The following FZR1 variants were observed in gnomAD, a reference collection of about 807,000 sequenced individuals.
FZR1 encodes the protein fizzy-related protein homolog.
Under a neutral mutation model 63.6 loss-of-function variants are expected in FZR1, and 11 were observed. The observed-to-expected ratio is 0.17, with a 90% CI of 0.11 to 0.29. The LOEUF is 0.29. FZR1 is among the 10% of genes least tolerant of loss of function. The pLI is 1.00. For synonymous variants in FZR1, 328 were observed against 297.9 expected (o/e 1.10, Z -1.04); for missense variants, 440 against 687.5 (o/e 0.64, Z 4.03).
chr19:3,532,617 C>T lies in FZR1; in HGVS notation c.1209C>T (p.Cys403=), dbSNP rs1222260748. Residue 403 remains cysteine (C), a synonymous_variant, in exon 11 of 14, where the codon TGC becomes TGT. Transcript: ENST00000441788. ...GTATCGACACGGGCTCCCAAGTGTG[C>T]AATCTGGCCTGGTCCAAGCACGCCA... ...LQCIDTGSQV[C]NLAWSKHANE... is the part of the protein sequence containing the mutation. The T allele has an allele frequency of 6.2e-6, 10 of 1,612,482 alleles. No individual in the cohort carries two copies. Among genetic ancestry groups the T allele is most frequent in the Non-Finnish European group, 8.5e-6 (10 of 1,179,660 alleles).
chr19:3,529,106 ATGGGAGAG>A (rs2083198515), intron 7 of FZR1, among the ~76,000 whole-genome samples: 1 of 76,394 alleles, frequency 1.3e-5, no homozygotes, highest in Admixed American at 1.5e-4. Context: ...GGTTGAGCGG[ATGGGAGAG>A]CGGATGGGAG....
chr19:3,534,573 C>T, intron 13 of FZR1, 60 bp downstream of exon 13: 2 of 1,130,698 alleles, frequency 1.8e-6, no homozygotes, highest in Non-Finnish European at 2.6e-6. Flanking sequence ...AGGGTCGTCC[C>T]TGTCCCCACT....
chr19:3,534,731 C>T (rs943933249), intron 13 of FZR1, 64 bp from the exon 14 acceptor site: 2 of 1,471,002 alleles, frequency 1.4e-6, no homozygotes, highest in Middle Eastern at 3.5e-4. Context: ...CCTTGGGGAC[C>T]CTCCAGGCAG....
At chr19:3,513,077 C>T (rs1250714159) in intron 1 of FZR1, among the ~76,000 whole-genome samples, 1 of 152,154 alleles carries the variant, frequency 6.6e-6, no homozygotes, top group Non-Finnish European at 1.5e-5. Flanking sequence ...TCTGGGAGGG[C>T]ACCTGGGCCA....
In FZR1 at chr19:3,530,810, C is replaced by T; in HGVS notation, c.673C>T (p.Leu225Phe). ...CCTCCAGGTGACGCGGCTCTGTGAC[C>T]TCTCAGTGGAAGGGGACTCAGTGAC... ...CTSQVTRLCD[L>F]SVEGDSVTSV... The change falls in exon 8 of 14, where the codon CTC becomes TTC. Residue 225 changes from leucine (L) to phenylalanine (F), a missense_variant. By Grantham distance (22) the Leu-to-Phe change is conservative. Transcript: ENST00000441788. The T allele has an allele frequency of 6.2e-7, 1 of 1,613,148 alleles. No individual in the cohort carries two copies. The highest frequency in any genetic ancestry group is 8.5e-7 in the Non-Finnish European group (1 of 1,179,700).
In FZR1 at chr19:3,510,159, T is replaced by C. The variant is rs566542788; in HGVS notation, c.-35+3685T>C. 3.9e-5 allele frequency among the ~76,000 whole-genome samples: 6 copies of C among 152,306 alleles called. No homozygotes were observed. The East Asian group carries it at 9.7e-4, about 25-fold the overall frequency. ...TCTTTTTTCTTTTTCCTTTTTGAGA[T>C]GGAGTCTCACTTTGTTACCTAGGCT... On this transcript the variant is annotated intron_variant, in intron 1 of 13. Coordinates refer to ENST00000441788, the MANE Select transcript of FZR1 (RefSeq NM_016263.4).
In FZR1 at chr19:3,532,500, C is replaced by G. The variant is rs780240876; in HGVS notation, c.1092C>G (p.Ser364=). 2 of 1,608,832 alleles carry G rather than the reference C, an allele frequency of 1.2e-6. No homozygotes were observed. The highest frequency in any genetic ancestry group is 1.1e-5 in the South Asian group (1 of 90,814). ...CGGCCGTGAAGGCCATCGCCTGGTCCCCACATCAGCACGGGCTGCTGGCCT... is the reference window on the plus strand; with the variant it reads ...CGGCCGTGAAGGCCATCGCCTGGTCGCCACATCAGCACGGGCTGCTGGCCT... ...HLAAVKAIAW[S]PHQHGLLASG... is the part of the protein sequence containing the mutation. Residue 364 remains serine (S), a synonymous_variant, in exon 11 of 14, where the codon TCC becomes TCG. Transcript: ENST00000441788.
Position 3,534,986 on chromosome 19 carries a change from C to T in FZR1, c.*150C>T, listed in dbSNP as rs1424224062. The T allele has an allele frequency of 4.6e-6, 3 of 659,094 alleles. No homozygotes were observed. Among genetic ancestry groups the T allele is most frequent in the Non-Finnish European group, 8.2e-6 (3 of 367,848 alleles). 40.8% of individuals were successfully genotyped at this position (659,094 alleles called of 1,614,324 possible). On this transcript the variant is annotated 3_prime_UTR_variant, in exon 14 of 14. Transcript: ENST00000441788. The stretch of plus-strand genomic sequence containing the variant: ...CTGGGCCTGGAGGATCCTGGAGTCT[C>T]ATTAAATGCCTGATTGTGAACCATG...
rs1363114448 is a variant in FZR1 at position 3,514,996 on chromosome 19, C to T, written c.-34-7960C>T. Among the ~76,000 whole-genome samples the T allele has an allele frequency of 6.6e-6, 1 of 152,198 alleles. No homozygotes were observed. The highest frequency in any genetic ancestry group is 1.5e-5 in the Non-Finnish European group (1 of 68,014). ...TGGCCCAGGGGGTTTGCAGGACCCA[C>T]AGGGCAGTGCCCTGCCAAGGGGATG... On this transcript the variant is annotated intron_variant, in intron 1 of 13. Coordinates refer to ENST00000441788, the MANE Select transcript of FZR1 (RefSeq NM_016263.4). This position sits in a 1 kb window ranked among gnomAD's most constrained non-coding sequence, Gnocchi z 4.2.
chr19:3,534,306 A>C, intron 12 of FZR1, 115 bp from the exon 13 acceptor site: 1 of 542,704 alleles, frequency 1.8e-6, no homozygotes, highest in Non-Finnish European at 3.3e-6. Flanking sequence ...TCCTGGCTCC[A>C]GAGTCTGGGG....
chr19:3,532,184 C>A, intron 10 of FZR1, 89 bp downstream of exon 10: 1 of 1,257,110 alleles, frequency 8.0e-7, no homozygotes, highest in Non-Finnish European at 1.1e-6. Context: ...CTGGGGCGGG[C>A]GCGGGCGCGG....
rs2122043460 is a variant in FZR1, at chr19:3,536,110, A to C, written c.*1274A>C. 6.6e-6 allele frequency: 1 copy of C among 151,812 alleles called. No homozygotes were observed. The highest frequency in any genetic ancestry group is 2.1e-4 in the South Asian group (1 of 4,798). 9.4% of individuals were successfully genotyped at this position (151,812 alleles called of 1,614,324 possible). On this transcript the variant is annotated 3_prime_UTR_variant, in exon 14 of 14. Transcript: ENST00000441788. ...CTGTGCTTGGGAACCCCCACTCCCC[A>C]CTCCCCACATCCCAACATCCTGGTG...
chr19:3,532,984 C>T (rs1384973263), intron 11 of FZR1, among the ~76,000 whole-genome samples: 1 of 151,768 alleles, frequency 6.6e-6, no homozygotes, highest in Non-Finnish European at 1.5e-5. Flanking sequence ...TGGCCTGCTC[C>T]AGCCACTCCG....
Position 3,526,922 on chromosome 19 carries a change from G to C in FZR1, c.388-58G>C, listed in dbSNP as rs1184933279. 2.5e-6 allele frequency: 3 copies of C among 1,200,018 alleles called. No homozygotes were observed. Among genetic ancestry groups the C allele is most frequent in the Middle Eastern group, 3.8e-4 (2 of 5,246 alleles). 74.3% of individuals were successfully genotyped at this position (1,200,018 alleles called of 1,614,324 possible). ...TACCGGGAGCGTGGGCTGCTGGGGGGCTCTGAGGGTCCTGCGGCCTGGGCG... is the reference window on the plus strand; with the variant it reads ...TACCGGGAGCGTGGGCTGCTGGGGGCCTCTGAGGGTCCTGCGGCCTGGGCG... On this transcript the variant is annotated intron_variant, in intron 5 of 13. Transcript: ENST00000441788. This position sits in a 1 kb window ranked among gnomAD's most constrained non-coding sequence, Gnocchi z 5.4.
intron 1 of FZR1, among the ~76,000 whole-genome samples, chr19:3,521,736 G>A (rs540404481): frequency 1.3e-3 from 197 of 152,212 alleles, no homozygotes; most frequent in African/African-American, 4.0e-3. Flanking sequence ...TCCTGACCTC[G>A]TGATCCACCC....
chr19:3,527,906 AC>A lies in FZR1; in HGVS notation c.654+93del, dbSNP rs1167945871. The A allele has an allele frequency of 2.9e-6, 3 of 1,031,994 alleles. No individual in the cohort carries two copies. The African/African-American group carries it at 4.9e-5, about 17-fold the overall frequency. The allele number at this position is 1,031,994 out of a possible 1,614,324, so 63.9% of individuals were successfully genotyped here. ...CCACCGGGATCCAGGGAGCATCAGT[AC>A]GAGCCAGGCGCCTGCCATGGCCCTC... is the stretch of plus-strand genomic sequence containing the variant. On this transcript the variant is annotated intron_variant, in intron 7 of 13. Coordinates refer to ENST00000441788, the MANE Select transcript of FZR1 (RefSeq NM_016263.4).
chr19:3,520,253 G>A (rs1216641930), intron 1 of FZR1, among the ~76,000 whole-genome samples: 4 of 152,094 alleles, frequency 2.6e-5, no homozygotes, highest in Non-Finnish European at 5.9e-5. Context: ...GGTGGGGACT[G>A]TGGGTGGGGA....
intron 1 of FZR1, among the ~76,000 whole-genome samples, chr19:3,520,783 C>T (rs993731817): frequency 5.9e-5 from 9 of 152,264 alleles, no homozygotes; most frequent in Non-Finnish European, 1.2e-4. Context: ...ATCAGGCCAA[C>T]CGCCTCAGTA....
intron 2 of FZR1, among the ~76,000 whole-genome samples, chr19:3,523,735 A>G (rs1266956283): frequency 6.6e-6 from 1 of 152,122 alleles, no homozygotes; most frequent in East Asian, 1.9e-4. Context: ...TCCCTCCCCC[A>G]TGGGCTGGCC....
Sources: gnomAD v4.1 joint callset for allele counts (sites outside exome capture counted in the v4.1 genomes callset) on GRCh38, gnomAD v4.1.1 for gene constraint, Gnocchi (gnomAD v3.1) non-coding constraint, MANE v1.5 for transcripts, NCBI Gene and HGNC (gene_info 2026-07-23, HGNC 2026-07-21) for gene names.